Variants in NARS2 observed in about 807,000 individuals in gnomAD.
NARS2 encodes the protein asparaginyl-tRNA synthetase 2, mitochondrial, also known as asparaginyl-tRNA synthetase.
Under a neutral mutation model 62.9 loss-of-function variants are expected in NARS2, and 60 were observed. The ratio of observed to expected loss-of-function variants is 0.95; its 90% confidence interval spans 0.77 to 1.18. The LOEUF is 1.18. Ranked by LOEUF, NARS2 falls within the 50% of genes most tolerant of loss-of-function variation. The pLI is 0.00. For missense variants in NARS2, 619 were observed against 576.4 expected, an observed-to-expected ratio of 1.07 and a Z score of -0.76; for synonymous variants, 196 against 200.0, an observed-to-expected ratio of 0.98 and a Z score of 0.17.
intron 5 of NARS2, among the ~76,000 whole-genome samples, chr11:78,545,551 G>T (rs1237721959): frequency 1.4e-5 from 2 of 143,900 alleles, no homozygotes; most frequent in Non-Finnish European, 3.0e-5. Context: ...TTGAGACAGA[G>T]TCTTGCTCTG....
intron 5 of NARS2, among the ~76,000 whole-genome samples, chr11:78,548,348 A>G (rs1302559434): frequency 6.6e-6 from 1 of 152,194 alleles, no homozygotes; most frequent in Non-Finnish European, 1.5e-5. Flanking sequence ...CCCACATACC[A>G]TCTAAAAACG....
intron 12 of NARS2, 81 bp from the exon 13 acceptor site, chr11:78,441,198 G>C (rs1857567948): frequency 1.6e-6 from 2 of 1,276,282 alleles, no homozygotes; most frequent in Admixed American, 4.0e-5. Flanking sequence ...CTGGGTGTGT[G>C]CAAAGAACTC....
chr11:78,563,873 T>TACAC (rs71046984), intron 4 of NARS2, among the ~76,000 whole-genome samples: 15,529 of 96,016 alleles, frequency 0.16, 3,030 homozygotes, highest in African/African-American at 0.23. Flanking sequence ...TATATATGTA[T>TACAC]ACACACACAC....
intron 7 of NARS2, 39 bp from the exon 8 acceptor site, chr11:78,478,722 AT>A: frequency 7.4e-7 from 1 of 1,355,704 alleles, no homozygotes; most frequent in Non-Finnish European, 1.0e-6. Flanking sequence ...CACGTAAGCA[AT>A]TTTACATGAA....
At chr11:78,506,134 A>G (rs1278441601) in intron 6 of NARS2, among the ~76,000 whole-genome samples, 4 of 152,238 alleles carry the variant, frequency 2.6e-5, no homozygotes, top group Non-Finnish European at 5.9e-5. Context: ...CAGAAATACA[A>G]TTTAAAACCA....
chr11:78,456,537 G>A (rs1259535143), intron 11 of NARS2, among the ~76,000 whole-genome samples: 1 of 152,178 alleles, frequency 6.6e-6, no homozygotes, highest in Non-Finnish European at 1.5e-5. Context: ...ATTAGCCACA[G>A]CTCTGGGAAA....
At chr11:78,486,150 C>T (rs550103460) in intron 7 of NARS2, among the ~76,000 whole-genome samples, 2 of 152,296 alleles carry the variant, frequency 1.3e-5, no homozygotes, top group South Asian at 2.1e-4. Flanking sequence ...GCTGGGATTA[C>T]AGGAGTGAGC....
chr11:78,461,668 G>A (rs1233214272), intron 11 of NARS2, among the ~76,000 whole-genome samples: 2 of 148,012 alleles, frequency 1.4e-5, no homozygotes, highest in African/African-American at 2.5e-5. Context: ...GTTTTGTTTA[G>A]GAAAGCAAAC....
At chr11:78,514,567 T>G (rs1860836368) in intron 6 of NARS2, among the ~76,000 whole-genome samples, 1 of 152,214 alleles carries the variant, frequency 6.6e-6, no homozygotes. Flanking sequence ...CACTGGGAAT[T>G]TTTTAAAACA....
chr11:78,466,318 C>T (rs1858620158), intron 10 of NARS2, among the ~76,000 whole-genome samples: 1 of 137,150 alleles, frequency 7.3e-6, no homozygotes, highest in Non-Finnish European at 1.5e-5. Context: ...AAAACAAAGT[C>T]TACTTTACAA....
Position 78,559,620 on chromosome 11 carries a change from C to T in NARS2, c.514-1G>A. ...TATGAATATGTACAAAGCCACTGTC[C>T]TGAAAAAGAAAACCACTGTTTTCAG... On this transcript the variant is annotated splice_acceptor_variant, in intron 4 of 13. Transcript: ENST00000281038. LOFTEE classifies it high-confidence loss of function. The T allele has an allele frequency of 6.2e-7, 1 of 1,605,596 alleles. No homozygotes were observed. Among genetic ancestry groups the T allele is most frequent in the South Asian group, 1.1e-5 (1 of 90,786 alleles).
intron 6 of NARS2, among the ~76,000 whole-genome samples, chr11:78,512,465 C>CACAGGAG (rs1289990783): frequency 3.3e-5 from 5 of 152,202 alleles, no homozygotes; most frequent in Non-Finnish European, 5.9e-5. Context: ...TCAGTGCCTG[C>CACAGGAG]ACAGGAGTAA....
chr11:78,492,138 T>C (rs912293783), intron 7 of NARS2, among the ~76,000 whole-genome samples: 29 of 133,170 alleles, frequency 2.2e-4, no homozygotes, highest in Admixed American at 3.7e-4. Context: ...CACACACATA[T>C]ATAGATTTTA....
intron 13 of NARS2, among the ~76,000 whole-genome samples, chr11:78,438,980 A>ATTTT (rs928649517): frequency 1.4e-5 from 2 of 146,032 alleles, no homozygotes; most frequent in Non-Finnish European, 3.0e-5. Flanking sequence ...TATTTAACCA[A>ATTTT]TTTTTTTTTT....
At chr11:78,443,150 T>C (rs1272639686) in intron 12 of NARS2, among the ~76,000 whole-genome samples, 1 of 151,648 alleles carries the variant, frequency 6.6e-6, no homozygotes, top group Non-Finnish European at 1.5e-5. Context: ...ACGGTGAAAC[T>C]CTGTCTCTAC....
At chr11:78,500,308 GAGGGTGAGTAT>G (rs1860233612) in intron 6 of NARS2, among the ~76,000 whole-genome samples, 1 of 152,132 alleles carries the variant, frequency 6.6e-6, no homozygotes. Context: ...ATGCAAAGAT[GAGGGTGAGTAT>G]ATAAATGTCA....
intron 5 of NARS2, among the ~76,000 whole-genome samples, chr11:78,541,106 C>T (rs1855598562): frequency 6.6e-6 from 1 of 152,048 alleles, no homozygotes; most frequent in Non-Finnish European, 1.5e-5. Flanking sequence ...TTGTTGTGAG[C>T]TGAAACTAGT....
At position 78,544,050 on chromosome 11, in the gene NARS2, A is replaced by T. The variant is rs1258358243; in HGVS notation, c.595-15114T>A. Among the ~76,000 whole-genome samples, 3 of 139,566 alleles carry T rather than the reference A, an allele frequency of 2.1e-5. No individual in the cohort carries two copies. The East Asian group carries it at 6.3e-4, about 29-fold the overall frequency. The allele number at this position is 139,566 out of a possible 152,430, so 91.6% of individuals were successfully genotyped here. On this transcript the variant is annotated intron_variant, in intron 5 of 13. Coordinates refer to ENST00000281038, the MANE Select transcript of NARS2 (RefSeq NM_024678.6). ...AAAAAAAAAAAAAAAACTCTCTCTC[A>T]CTCTCCAGAATCCAACCACATTTGA...
chr11:78,565,295 T>C (rs1040959018), intron 4 of NARS2, among the ~76,000 whole-genome samples: 1 of 152,272 alleles, frequency 6.6e-6, no homozygotes, highest in Non-Finnish European at 1.5e-5. Context: ...TATAGATCTA[T>C]GACCAAGATG....
Sources: allele counts gnomAD v4.1 joint callset (sites outside exome capture counted in the v4.1 genomes callset), GRCh38; gene constraint gnomAD v4.1.1; transcripts MANE v1.5; gene names NCBI Gene and HGNC (gene_info 2026-07-23, HGNC 2026-07-21).